The following GRID2 variants were observed in gnomAD, a reference collection of about 807,000 sequenced individuals.
GRID2 encodes the protein glutamate receptor ionotropic, delta-2.
In GRID2, 33 loss-of-function variants were observed where a neutral mutation model predicts 114.8. The observed-to-expected ratio is 0.29, with a 90% CI of 0.22 to 0.38. The LOEUF is 0.38. GRID2 is among the 10% of genes least tolerant of loss of function. The pLI is 1.00. For synonymous variants in GRID2, 505 were observed against 449.9 expected, an observed-to-expected ratio of 1.12 and a Z score of -1.55; for missense variants, 1,184 against 1,257.7, an observed-to-expected ratio of 0.94 and a Z score of 0.89.
rs866150058 is a variant in GRID2, at chr4:93,104,261, C to A, written c.530-6487C>A. Among the ~76,000 whole-genome samples the A allele has an allele frequency of 1.3e-4, 20 of 152,152 alleles. No individual in the cohort carries two copies. In the Middle Eastern group the frequency reaches 0.024, roughly 181 times the overall value. On this transcript the variant is annotated intron_variant, in intron 3 of 15. Transcript: ENST00000282020. Reference sequence around the variant, plus strand: ...TTTCTATTGCTGGTGTATCAAATTACCACAAATTTAGAGGCTTAAACAACA... The same window carrying A: ...TTTCTATTGCTGGTGTATCAAATTAACACAAATTTAGAGGCTTAAACAACA...
chr4:92,554,830 G>A (rs1230587420), intron 1 of GRID2, among the ~76,000 whole-genome samples: 2 of 152,108 alleles, frequency 1.3e-5, no homozygotes, highest in Non-Finnish European at 2.9e-5. Flanking sequence ...TAGCTCTATC[G>A]TTATGTATTT....
At chr4:93,419,858 T>C (rs1456337843) in intron 9 of GRID2, among the ~76,000 whole-genome samples, 1 of 152,150 alleles carries the variant, frequency 6.6e-6, no homozygotes, top group East Asian at 1.9e-4. Flanking sequence ...ATAATTGGTC[T>C]AGCTAGTTAT....
intron 1 of GRID2, among the ~76,000 whole-genome samples, chr4:92,563,194 T>G (rs1036272387): frequency 6.6e-6 from 1 of 152,248 alleles, no homozygotes; most frequent in South Asian, 2.1e-4. Flanking sequence ...GTTTTATGGT[T>G]GTTAGGATTA....
chr4:93,323,591 T>A (rs1002449253), intron 8 of GRID2, among the ~76,000 whole-genome samples: 4 of 152,160 alleles, frequency 2.6e-5, no homozygotes, highest in African/African-American at 9.7e-5. Flanking sequence ...AAGAAAGTCA[T>A]TGGTAGCTTG....
chr4:92,328,564 G>T (rs1726714681), intron 1 of GRID2, among the ~76,000 whole-genome samples: 2 of 151,996 alleles, frequency 1.3e-5, no homozygotes, highest in Non-Finnish European at 2.9e-5. Flanking sequence ...CGATAGATTG[G>T]ATTCTAAATT....
At chr4:92,822,350 TG>T in intron 2 of GRID2, 2 of 627,020 alleles carry the variant, frequency 3.2e-6, no homozygotes, top group Non-Finnish European at 6.1e-6. Flanking sequence ...AGTGTTCAGA[TG>T]GACTGTGTGG....
intron 2 of GRID2, among the ~76,000 whole-genome samples, chr4:92,666,339 T>G (rs1350031203): frequency 6.6e-6 from 1 of 151,600 alleles, no homozygotes; most frequent in Non-Finnish European, 1.5e-5. Flanking sequence ...CCTTCAGTTC[T>G]TTGAGCATCT....
intron 8 of GRID2, among the ~76,000 whole-genome samples, chr4:93,259,327 T>G (rs1001669779): frequency 1.3e-5 from 2 of 151,800 alleles, no homozygotes; most frequent in African/African-American, 4.8e-5. Context: ...ATATCAATCA[T>G]AGTTAGGCAC....
intron 13 of GRID2, among the ~76,000 whole-genome samples, chr4:93,595,324 G>T (rs1738965395): frequency 6.6e-6 from 1 of 152,172 alleles, no homozygotes; most frequent in Non-Finnish European, 1.5e-5. Flanking sequence ...AATTGTGTGT[G>T]TATGCCTTCT....
intron 2 of GRID2, among the ~76,000 whole-genome samples, chr4:92,901,825 G>T (rs7667967): frequency 0.57 from 86,634 of 150,988 alleles, 26,475 homozygotes; most frequent in African/African-American, 0.79. Flanking sequence ...TTATCTTTTT[G>T]TGTGTGTGTG....
At chr4:93,474,104 A>T (rs1560657639) in intron 11 of GRID2, among the ~76,000 whole-genome samples, 2 of 152,116 alleles carry the variant, frequency 1.3e-5, no homozygotes, top group Non-Finnish European at 2.9e-5. Flanking sequence ...ATATAAAAAC[A>T]ATTTATAATT....
At position 93,258,893 on chromosome 4, in the gene GRID2, C is replaced by T. The variant is rs182454697; in HGVS notation, c.1245+20403C>T. On this transcript the variant is annotated intron_variant, in intron 8 of 15. Transcript: ENST00000282020. The stretch of plus-strand genomic sequence containing the variant: ...TTTATTATCCTCTCTTTTCCATAAA[C>T]AGAATGAAAGAATCAGACCACAGGG... 1.3e-5 allele frequency: 6 copies of T among 454,854 alleles called. No individual in the cohort carries two copies. The East Asian group carries it at 4.2e-4, about 32-fold the overall frequency. 28.2% of individuals were successfully genotyped at this position (454,854 alleles called of 1,614,324 possible). A position where few individuals can be genotyped will look rare whatever the true frequency, so the allele number is the denominator to read the frequency against.
intron 13 of GRID2, among the ~76,000 whole-genome samples, chr4:93,535,229 C>A (rs1462549177): frequency 3.0e-5 from 3 of 99,868 alleles, no homozygotes; most frequent in African/African-American, 1.4e-4. Context: ...CACACATACA[C>A]ATACACACAC....
At chr4:93,064,687 A>G (rs1728111673) in intron 2 of GRID2, among the ~76,000 whole-genome samples, 1 of 151,882 alleles carries the variant, frequency 6.6e-6, no homozygotes, top group Non-Finnish European at 1.5e-5. Flanking sequence ...CTTGAACCAG[A>G]GATTATTGTG....
intron 4 of GRID2, among the ~76,000 whole-genome samples, chr4:93,148,089 T>C (rs1367284172): frequency 6.6e-6 from 1 of 152,164 alleles, no homozygotes; most frequent in Non-Finnish European, 1.5e-5. Flanking sequence ...AATTGAATAA[T>C]ATGGAAGGAT....
chr4:93,353,847 T>C (rs1761039549), intron 8 of GRID2, among the ~76,000 whole-genome samples: 1 of 151,958 alleles, frequency 6.6e-6, no homozygotes, highest in Non-Finnish European at 1.5e-5. Context: ...GCCTCCTCCT[T>C]AGACAGCAAA....
At chr4:92,990,172 T>C (rs1754778114) in intron 2 of GRID2, among the ~76,000 whole-genome samples, 2 of 148,582 alleles carry the variant, frequency 1.3e-5, no homozygotes, top group Non-Finnish European at 1.5e-5. Context: ...GGGTCCAAAA[T>C]AGAGTGGCAT....
intron 13 of GRID2, among the ~76,000 whole-genome samples, chr4:93,552,748 A>G (rs1733892886): frequency 6.6e-6 from 1 of 151,984 alleles, no homozygotes; most frequent in Non-Finnish European, 1.5e-5. Context: ...CTCTTCATTT[A>G]CTTTAGGTAT....
intron 14 of GRID2, among the ~76,000 whole-genome samples, chr4:93,741,563 C>T (rs1731421218): frequency 6.6e-6 from 1 of 152,034 alleles, no homozygotes; most frequent in Non-Finnish European, 1.5e-5. Context: ...AACAGATGTC[C>T]ATGGCACACA....
Sources: allele counts gnomAD v4.1 joint callset (sites outside exome capture counted in the v4.1 genomes callset), GRCh38; gene constraint gnomAD v4.1.1; transcripts MANE v1.5; gene names NCBI Gene and HGNC (gene_info 2026-07-23, HGNC 2026-07-21).